DLGAP2: variants seen among roughly 807,000 people sequenced by gnomAD.
DLGAP2 encodes DLG associated protein 2.
DLGAP2 carries 26 observed loss-of-function variants against 100.3 expected under a neutral mutation model. The observed-to-expected ratio is 0.26, with a 90% CI of 0.19 to 0.36. DLGAP2 has a LOEUF of 0.36. DLGAP2 is among the 10% of genes least tolerant of loss of function. The pLI, the probability that DLGAP2 is intolerant of heterozygous loss-of-function variation, is 1.00. For missense variants in DLGAP2, 1,858 were observed against 1,453.2 expected, an observed-to-expected ratio of 1.28 and a Z score of -4.53; for synonymous variants, 886 against 630.1, an observed-to-expected ratio of 1.41 and a Z score of -6.08.
At chr8:1,093,988 T>TGGAGGGCAACTTCGCGGTGGGTGGAG (rs1554482279) in intron 2 of DLGAP2, among the ~76,000 whole-genome samples, 177 of 151,374 alleles carry the variant, frequency 1.2e-3, no homozygotes, top group African/African-American at 4.1e-3. Flanking sequence ...CGCTCGTGGA[T>TGGAGGGCAACTTCGCGGTGGGTGGAG]GGAGGGCAGC....
chr8:1,229,823 T>G (rs923088416), intron 2 of DLGAP2, among the ~76,000 whole-genome samples: 1 of 152,130 alleles, frequency 6.6e-6, no homozygotes, highest in Non-Finnish European at 1.5e-5. Flanking sequence ...CCAACACCCT[T>G]TCATGATAAA....
Position 1,534,690 on chromosome 8 carries a change from G to A in DLGAP2, c.173-13936G>A, listed in dbSNP as rs117703078. On this transcript the variant is annotated intron_variant, in intron 4 of 14. Coordinates refer to ENST00000637795, the MANE Select transcript of DLGAP2 (RefSeq NM_001346810.2). ...TAAAGATGGATTTTTTGTCCATCTC[G>A]CTATTGAACCTGCTGGTCTGAGAAC... is the stretch of plus-strand genomic sequence containing the variant. Among the ~76,000 whole-genome samples, 887 of 152,226 alleles carry A rather than the reference G, an allele frequency of 5.8e-3. 2 individuals are homozygous for A. The highest frequency in any genetic ancestry group is 9.2e-3 in the Admixed American group (140 of 15,290).
chr8:1,230,548 C>G (rs532870004), intron 2 of DLGAP2, among the ~76,000 whole-genome samples: 4 of 152,166 alleles, frequency 2.6e-5, no homozygotes, highest in South Asian at 4.2e-4. Flanking sequence ...CTCGAATAGC[C>G]AAAGCAATCC....
intron 2 of DLGAP2, among the ~76,000 whole-genome samples, chr8:1,003,979 A>C (rs771313406): frequency 6.6e-6 from 1 of 152,150 alleles, no homozygotes; most frequent in Non-Finnish European, 1.5e-5. Flanking sequence ...CCAGGAATAT[A>C]TTTATTTCAA....
chr8:1,022,745 A>G (rs1801664923), intron 2 of DLGAP2, among the ~76,000 whole-genome samples: 1 of 131,554 alleles, frequency 7.6e-6, no homozygotes, highest in African/African-American at 2.9e-5. Flanking sequence ...TGCTCCAACC[A>G]CAATCCACCC....
intron 3 of DLGAP2, among the ~76,000 whole-genome samples, chr8:1,368,260 G>A (rs565237322): frequency 5.9e-5 from 9 of 152,054 alleles, no homozygotes; most frequent in South Asian, 4.2e-4. Flanking sequence ...ATGTGTGTGC[G>A]TGTGTGCAGG....
intron 3 of DLGAP2, among the ~76,000 whole-genome samples, chr8:1,320,882 CAT>C (rs773727187): frequency 3.4e-4 from 52 of 152,022 alleles, no homozygotes; most frequent in South Asian, 8.3e-4. Context: ...TGTGTGTGCA[CAT>C]GTCTGTATGC....
chr8:1,326,468 G>T (rs1363433370), intron 3 of DLGAP2, among the ~76,000 whole-genome samples: 1 of 152,164 alleles, frequency 6.6e-6, no homozygotes, highest in Non-Finnish European at 1.5e-5. Context: ...TTCAGGACAT[G>T]GCACGCGCTC....
rs1798560710 is a variant in DLGAP2 at position 1,464,394 on chromosome 8, ATG to A, written c.107-36971_107-36970del. On this transcript the variant is annotated intron_variant, in intron 3 of 14. Transcript: ENST00000637795. ...CCTTCCAGGATGGCACCCTTCCGGA[ATG>A]GCATCCTTCCAGGACAGCTCCCTTT... Among the ~76,000 whole-genome samples the A allele has an allele frequency of 5.8e-5, 2 of 34,470 alleles. 1 individual carries two copies. Among genetic ancestry groups the A allele is most frequent in the Non-Finnish European group, 1.0e-4 (2 of 19,314 alleles). The allele number at this position is 34,470 out of a possible 152,430, so 22.6% of individuals were successfully genotyped here.
At chr8:1,634,854 T>TTA (rs1797730986) in intron 8 of DLGAP2, among the ~76,000 whole-genome samples, 1 of 152,092 alleles carries the variant, frequency 6.6e-6, no homozygotes, top group Non-Finnish European at 1.5e-5. Flanking sequence ...AAATTTTAAT[T>TTA]TATATATATA....
chr8:1,258,466 A>T (rs1053211306), intron 2 of DLGAP2, among the ~76,000 whole-genome samples: 5 of 152,106 alleles, frequency 3.3e-5, no homozygotes, highest in Non-Finnish European at 1.5e-5. Flanking sequence ...GGAGAGCATT[A>T]GAACAAATAC....
At chr8:1,422,200 G>A (rs919635443) in intron 3 of DLGAP2, among the ~76,000 whole-genome samples, 1 of 152,164 alleles carries the variant, frequency 6.6e-6, no homozygotes, top group Non-Finnish European at 1.5e-5. Flanking sequence ...CGCTAGGAGA[G>A]AAAGACACAG....
chr8:909,942 T>A lies in DLGAP2; in HGVS notation c.73+1976T>A, dbSNP rs566016166. On this transcript the variant is annotated intron_variant, in intron 2 of 14. Coordinates refer to ENST00000637795, the MANE Select transcript of DLGAP2 (RefSeq NM_001346810.2). ...CTTGGTGATTACTTTTGCATTTCAG[T>A]GGCATATAAAGGTCCTTGTAAGGGC... Among the ~76,000 whole-genome samples the A allele has an allele frequency of 2.0e-5, 3 of 152,348 alleles. No homozygotes were observed. The East Asian group carries it at 5.8e-4, about 29-fold the overall frequency.
intron 1 of DLGAP2, among the ~76,000 whole-genome samples, chr8:863,462 G>A (rs773685026): frequency 6.6e-6 from 1 of 152,124 alleles, no homozygotes; most frequent in Non-Finnish European, 1.5e-5. Context: ...GTTGTGTTTC[G>A]GCATTCCACT....
intron 2 of DLGAP2, among the ~76,000 whole-genome samples, chr8:1,021,232 G>T (rs562814460): frequency 2.6e-5 from 4 of 152,252 alleles, no homozygotes; most frequent in South Asian, 4.1e-4. Flanking sequence ...AACATAAGAA[G>T]GATGGAACGC....
chr8:1,112,860 C>T lies in DLGAP2; in HGVS notation c.74-145991C>T, dbSNP rs182496063. Among the ~76,000 whole-genome samples, 8 of 152,246 alleles carry T rather than the reference C, an allele frequency of 5.3e-5. No homozygotes were observed. In the East Asian group the frequency reaches 1.4e-3, roughly 26 times the overall value. ...GGGTTTTACATTTAAGTCTTTAATC[C>T]ATCTAGAGTTGCTTTTTGTACATGG... is the stretch of plus-strand genomic sequence containing the variant. On this transcript the variant is annotated intron_variant, in intron 2 of 14. Transcript: ENST00000637795.
Position 1,429,997 on chromosome 8 carries a change from C to CATATATATATATATATATATATAT in DLGAP2, c.107-71360_107-71359insTATATATATATATATATATATATA, listed in dbSNP as rs1361890198. On this transcript the variant is annotated intron_variant, in intron 3 of 14. Coordinates refer to ENST00000637795, the MANE Select transcript of DLGAP2 (RefSeq NM_001346810.2). ...GAATGAAAGCAGAAGGGGAGAGATG[C>CATATATATATATATATATATATAT]ATATATATACATATATATATATATA... Among the ~76,000 whole-genome samples, 98 of 19,582 alleles carry CATATATATATATATATATATATAT rather than the reference C, an allele frequency of 5.0e-3. 23 individuals are homozygous for CATATATATATATATATATATATAT. Among genetic ancestry groups the CATATATATATATATATATATATAT allele is most frequent in the South Asian group, 9.0e-3 (2 of 222 alleles). The allele number at this position is 19,582 out of a possible 152,430, so 12.8% of individuals were successfully genotyped here.
chr8:1,294,428 T>C (rs1032109080), intron 3 of DLGAP2, among the ~76,000 whole-genome samples: 3 of 152,168 alleles, frequency 2.0e-5, no homozygotes, highest in Admixed American at 2.0e-4. Context: ...ATTTTCCCCA[T>C]TTTTCTGATG....
intron 3 of DLGAP2, among the ~76,000 whole-genome samples, chr8:1,359,150 C>G (rs890376310): frequency 1.3e-5 from 2 of 152,170 alleles, no homozygotes; most frequent in African/African-American, 4.8e-5. Context: ...CTCTAGGCCA[C>G]GTATCCCTGC....
Sources: allele counts gnomAD v4.1 joint callset (sites outside exome capture counted in the v4.1 genomes callset), GRCh38; gene constraint gnomAD v4.1.1; transcripts MANE v1.5; gene names NCBI Gene and HGNC (gene_info 2026-07-23, HGNC 2026-07-21).